The following PDE11A variants were observed in gnomAD, a reference collection of about 807,000 sequenced individuals.
The protein encoded by PDE11A is phosphodiesterase 11A.
Under a neutral mutation model 100.5 loss-of-function variants are expected in PDE11A, and 100 were observed. The observed-to-expected ratio is 1.00, with a 90% confidence interval of 0.85 to 1.18. The LOEUF (loss-of-function observed/expected upper bound fraction) is 1.18, where lower values mean the gene tolerates loss of function less well. Among genes scored for constraint, PDE11A ranks in the 50% most tolerant of loss-of-function variants. The pLI is 0.00. For missense variants in PDE11A, 1,141 were observed against 1,152.6 expected, an observed-to-expected ratio of 0.99 and a Z score of 0.15; for synonymous variants, 381 against 420.8, an observed-to-expected ratio of 0.91 and a Z score of 1.16.
At chr2:177,853,969 C>T (rs990369835) in intron 5 of PDE11A, among the ~76,000 whole-genome samples, 1 of 149,168 alleles carries the variant, frequency 6.7e-6, no homozygotes, top group African/African-American at 2.5e-5. Flanking sequence ...TGTATACACA[C>T]ACACACACAC....
intron 1 of PDE11A, among the ~76,000 whole-genome samples, chr2:178,028,386 C>T (rs1574352144): frequency 6.6e-6 from 1 of 151,668 alleles, no homozygotes; most frequent in Non-Finnish European, 1.5e-5. Context: ...AGGTGTCAAC[C>T]TGTGGGGGGA....
upstream of PDE11A, among the ~76,000 whole-genome samples, chr2:178,076,109 G>A (rs2105876061): frequency 6.6e-6 from 1 of 152,132 alleles, no homozygotes; most frequent in Admixed American, 6.5e-5. Context: ...ATCCCCCAGG[G>A]CACTATCACA....
At chr2:178,006,194 A>G (rs554293788) in intron 2 of PDE11A, among the ~76,000 whole-genome samples, 1 of 152,358 alleles carries the variant, frequency 6.6e-6, no homozygotes, top group East Asian at 1.9e-4. Flanking sequence ...CTCAAAATTC[A>G]ACTGCAATCT....
At chr2:177,699,185 A>AT (rs1284672583) in intron 14 of PDE11A, among the ~76,000 whole-genome samples, 1 of 152,222 alleles carries the variant, frequency 6.6e-6, no homozygotes, top group Non-Finnish European at 1.5e-5. Context: ...AGCCTACTGC[A>AT]TACCTAGGCT....
intron 2 of PDE11A, among the ~76,000 whole-genome samples, chr2:177,999,189 G>A (rs772119265): frequency 6.6e-6 from 1 of 152,192 alleles, no homozygotes; most frequent in South Asian, 2.1e-4. Flanking sequence ...AAGGATCGTG[G>A]TCCTAATCAT....
chr2:177,678,839 A>G (rs1021408817), intron 16 of PDE11A, among the ~76,000 whole-genome samples: 8 of 152,188 alleles, frequency 5.3e-5, no homozygotes, highest in Admixed American at 2.6e-4. Context: ...ATTTCAGGAA[A>G]AGAGCTCAGA....
At chr2:177,639,993 G>A (rs1470251763) in intron 19 of PDE11A, among the ~76,000 whole-genome samples, 1 of 151,822 alleles carries the variant, frequency 6.6e-6, no homozygotes, top group Non-Finnish European at 1.5e-5. Context: ...CATTTATTAA[G>A]AAAAAAAGAC....
chr2:178,033,013 C>T (rs1197819925), intron 1 of PDE11A, among the ~76,000 whole-genome samples: 1 of 152,196 alleles, frequency 6.6e-6, no homozygotes, highest in African/African-American at 2.4e-5. Context: ...TACAACCCCT[C>T]TCTGGCAAGG....
chr2:177,921,704 C>A (rs1048550555), intron 2 of PDE11A: 1 of 152,144 alleles, frequency 6.6e-6, no homozygotes, highest in African/African-American at 2.4e-5. Flanking sequence ...CTATAGACCA[C>A]CTTCATATCA....
intron 9 of PDE11A, among the ~76,000 whole-genome samples, chr2:177,813,892 A>G (rs2082992688): frequency 1.3e-5 from 2 of 152,244 alleles, no homozygotes; most frequent in South Asian, 4.1e-4. Context: ...ATTTAGACAC[A>G]GCTCTTTTGG....
intron 1 of PDE11A, among the ~76,000 whole-genome samples, chr2:178,047,497 C>A (rs1267320870): frequency 6.6e-6 from 1 of 150,600 alleles, no homozygotes; most frequent in Non-Finnish European, 1.5e-5. Flanking sequence ...GTGGCAGTAT[C>A]AAAGAATGGC....
chr2:177,778,695 G>A (rs2082411643), intron 9 of PDE11A, among the ~76,000 whole-genome samples: 3 of 152,192 alleles, frequency 2.0e-5, no homozygotes, highest in African/African-American at 7.2e-5. Context: ...TAACCCGACA[G>A]AAGTGTCATC....
At chr2:178,059,910 C>G (rs906138276) in intron 1 of PDE11A, among the ~76,000 whole-genome samples, 41 of 152,208 alleles carry the variant, frequency 2.7e-4, no homozygotes, top group Non-Finnish European at 8.8e-5. Flanking sequence ...GGGCTGGGGC[C>G]CACTCTGGGT....
intron 4 of PDE11A, among the ~76,000 whole-genome samples, chr2:177,888,415 C>A (rs1328327297): frequency 6.6e-6 from 1 of 152,068 alleles, no homozygotes. Flanking sequence ...ATTGGTTATA[C>A]ACATACTGCT....
intron 1 of PDE11A, among the ~76,000 whole-genome samples, chr2:178,107,267 A>T (rs762174449): frequency 1.3e-5 from 2 of 152,048 alleles, no homozygotes; most frequent in Non-Finnish European, 2.9e-5. Flanking sequence ...GCAGGAAGGG[A>T]AGAGCAGGAT....
chr2:177,877,682 C>A (rs1247768133), intron 4 of PDE11A, among the ~76,000 whole-genome samples: 1 of 152,122 alleles, frequency 6.6e-6, no homozygotes, highest in African/African-American at 2.4e-5. Flanking sequence ...TTAGAAAGTT[C>A]TTGGCTCTGA....
At chr2:178,049,522 C>A (rs1359747852) in intron 1 of PDE11A, among the ~76,000 whole-genome samples, 1 of 152,146 alleles carries the variant, frequency 6.6e-6, no homozygotes, top group Non-Finnish European at 1.5e-5. Flanking sequence ...TGGGTGCAGC[C>A]CATGGAGCAT....
chr2:178,063,668 G>A (rs1430197428), intron 1 of PDE11A, among the ~76,000 whole-genome samples: 1 of 152,154 alleles, frequency 6.6e-6, no homozygotes, highest in African/African-American at 2.4e-5. Flanking sequence ...GTGATTTAGG[G>A]CAAGGAGAAT....
intron 9 of PDE11A, among the ~76,000 whole-genome samples, chr2:177,788,382 C>T (rs1176703488): frequency 6.7e-6 from 1 of 148,708 alleles, no homozygotes; most frequent in Admixed American, 6.7e-5. Context: ...GGGACGCATT[C>T]AAAGCAGTGT....
Sources: gnomAD v4.1 joint callset for allele counts (sites outside exome capture counted in the v4.1 genomes callset) on GRCh38, gnomAD v4.1.1 for gene constraint, MANE v1.5 for transcripts, NCBI Gene and HGNC (gene_info 2026-07-23, HGNC 2026-07-21) for gene names.